CHODL: variants seen among roughly 807,000 people sequenced by gnomAD.
The protein encoded by CHODL is chondrolectin, also known as transmembrane protein MT75.
CHODL carries 29 observed loss-of-function variants against 34.5 expected under a neutral mutation model. That is an observed-to-expected ratio of 0.84 (90% confidence interval 0.63 to 1.15). The LOEUF (loss-of-function observed/expected upper bound fraction) is 1.15, where lower values mean the gene tolerates loss of function less well. Ranked by LOEUF, CHODL falls within the 50% of genes most tolerant of loss-of-function variation. The pLI, the probability that CHODL is intolerant of heterozygous loss-of-function variation, is 0.00. For synonymous variants in CHODL, 125 were observed against 116.1 expected (o/e 1.08, Z -0.49); for missense variants, 332 against 332.5 (o/e 1.00, Z 0.01).
intron 5 of CHODL, among the ~76,000 whole-genome samples, chr21:18,263,592 C>G (rs1366593063): frequency 6.6e-6 from 1 of 151,864 alleles, no homozygotes; most frequent in Non-Finnish European, 1.5e-5. Flanking sequence ...AAATGTATTT[C>G]ATTGTCAAAT....
At chr21:18,113,623 T>C (rs1471147417) in intron 2 of CHODL, among the ~76,000 whole-genome samples, 1 of 152,148 alleles carries the variant, frequency 6.6e-6, no homozygotes, top group Admixed American at 6.6e-5. Flanking sequence ...CAACGAGATC[T>C]TGTGAGAACT....
At chr21:17,951,032 A>G (rs1374628563) in intron 1 of CHODL, among the ~76,000 whole-genome samples, 1 of 152,144 alleles carries the variant, frequency 6.6e-6, no homozygotes, top group East Asian at 1.9e-4. Flanking sequence ...ATACTTACGT[A>G]TAACTATATA....
intron 1 of CHODL, among the ~76,000 whole-genome samples, chr21:17,965,581 T>TA (rs1434558925): frequency 6.6e-6 from 1 of 152,176 alleles, no homozygotes; most frequent in Non-Finnish European, 1.5e-5. Context: ...TGGGCTTCTG[T>TA]AAGCACGTGT....
At chr21:18,171,722 C>T (rs35312269) in intron 2 of CHODL, among the ~76,000 whole-genome samples, 2 of 139,940 alleles carry the variant, frequency 1.4e-5, no homozygotes, top group South Asian at 2.4e-4. Context: ...TACTTCTCCC[C>T]CATATTCTCT....
intron 1 of CHODL, among the ~76,000 whole-genome samples, chr21:17,968,389 T>A (rs1222031625): frequency 2.0e-5 from 3 of 151,008 alleles, no homozygotes; most frequent in African/African-American, 7.3e-5. Context: ...ACACATAGTA[T>A]TTTCTTGGCA....
At chr21:18,037,758 T>G (rs1568855606) in intron 2 of CHODL, among the ~76,000 whole-genome samples, 1 of 151,786 alleles carries the variant, frequency 6.6e-6, no homozygotes, top group Non-Finnish European at 1.5e-5. Flanking sequence ...TTTGATGGTT[T>G]TAGGGTATCT....
intron 2 of CHODL, among the ~76,000 whole-genome samples, chr21:18,167,330 G>A (rs1194096569): frequency 1.1e-5 from 1 of 90,044 alleles, no homozygotes; most frequent in African/African-American, 6.4e-5. Flanking sequence ...TTTTTTTTGA[G>A]ACGGAGTCTT....
At chr21:18,128,703 G>GAGAC (rs2072613071) in intron 2 of CHODL, among the ~76,000 whole-genome samples, 1 of 151,790 alleles carries the variant, frequency 6.6e-6, no homozygotes, top group African/African-American at 2.4e-5. Context: ...GGAATAGAGA[G>GAGAC]TAAGTTGATA....
chr21:18,160,194 G>T (rs533531991), intron 2 of CHODL, among the ~76,000 whole-genome samples: 1 of 148,218 alleles, frequency 6.7e-6, no homozygotes, highest in Non-Finnish European at 1.5e-5. Flanking sequence ...GAGAGATAAA[G>T]TGATCTACAC....
chr21:18,066,487 A>G (rs184539458), intron 2 of CHODL, among the ~76,000 whole-genome samples: 340 of 152,310 alleles, frequency 2.2e-3, no homozygotes, highest in African/African-American at 7.9e-3. Flanking sequence ...CTGCATGAAT[A>G]AGAGATCTTA....
chr21:18,168,070 T>G (rs1257730268), intron 2 of CHODL, among the ~76,000 whole-genome samples: 1 of 152,176 alleles, frequency 6.6e-6, no homozygotes, highest in Non-Finnish European at 1.5e-5. Context: ...AATATCGGAC[T>G]CCAAGTTCTT....
intron 1 of CHODL, among the ~76,000 whole-genome samples, chr21:17,929,490 C>T (rs910572428): frequency 1.3e-5 from 2 of 152,090 alleles, no homozygotes; most frequent in Non-Finnish European, 2.9e-5. Context: ...GAGAGCACAA[C>T]GGAATTCATC....
At chr21:18,019,658 A>T (rs2064109385) in intron 1 of CHODL, among the ~76,000 whole-genome samples, 1 of 152,220 alleles carries the variant, frequency 6.6e-6, no homozygotes, top group Admixed American at 6.5e-5. Context: ...CATCTTTAAA[A>T]TATCTTTGTT....
intron 1 of CHODL, among the ~76,000 whole-genome samples, chr21:17,982,877 A>C (rs2063725201): frequency 6.9e-6 from 1 of 143,978 alleles, no homozygotes; most frequent in Non-Finnish European, 1.5e-5. Context: ...ACTCCCTCCA[A>C]CCCCCCCCAG....
chr21:18,108,836 G>GGTGTGT (rs1568890481), intron 2 of CHODL, among the ~76,000 whole-genome samples: 1 of 109,328 alleles, frequency 9.1e-6, no homozygotes, highest in African/African-American at 3.8e-5. Flanking sequence ...TCTTTGCAAT[G>GGTGTGT]TTGTGTGTGT....
At chr21:18,039,836 A>G (rs1258978576) in intron 2 of CHODL, among the ~76,000 whole-genome samples, 1 of 151,828 alleles carries the variant, frequency 6.6e-6, no homozygotes, top group Non-Finnish European at 1.5e-5. Flanking sequence ...TTTGCAAATT[A>G]CCCTTTAAGA....
chr21:18,020,809 T>G (rs1223806847), intron 1 of CHODL, among the ~76,000 whole-genome samples: 2 of 152,092 alleles, frequency 1.3e-5, no homozygotes, highest in Non-Finnish European at 2.9e-5. Flanking sequence ...AATCATGTCT[T>G]TATAAGATAA....
At chr21:17,972,092 T>G (rs1158059976) in intron 1 of CHODL, among the ~76,000 whole-genome samples, 1 of 152,014 alleles carries the variant, frequency 6.6e-6, no homozygotes, top group Non-Finnish European at 1.5e-5. Flanking sequence ...GCAGAAAAAT[T>G]CAACACCCCT....
At chr21:18,105,202 C>T (rs893341444) in intron 2 of CHODL, among the ~76,000 whole-genome samples, 5 of 152,154 alleles carry the variant, frequency 3.3e-5, no homozygotes, top group African/African-American at 9.7e-5. Context: ...TTGAAAAATA[C>T]AGTCTGGAGA....
Sources: gnomAD v4.1 joint callset for allele counts (sites outside exome capture counted in the v4.1 genomes callset) on GRCh38, gnomAD v4.1.1 for gene constraint, MANE v1.5 for transcripts, NCBI Gene and HGNC (gene_info 2026-07-23, HGNC 2026-07-21) for gene names.